Variants in ATRN observed in about 807,000 individuals in gnomAD.
ATRN encodes attractin.
Under a neutral mutation model 178.7 loss-of-function variants are expected in ATRN, and 54 were observed. That is an observed-to-expected ratio of 0.30 (90% confidence interval 0.24 to 0.38). The LOEUF (loss-of-function observed/expected upper bound fraction) is 0.38. Among genes scored for constraint, ATRN ranks in the 10% least tolerant of loss-of-function variants. The pLI is 1.00. For missense variants in ATRN, 1,443 were observed against 1,815.1 expected (o/e 0.79, Z 3.73); for synonymous variants, 636 against 663.0 (o/e 0.96, Z 0.63).
chr20:3,539,974 G>C (rs570722049), intron 2 of ATRN, among the ~76,000 whole-genome samples: 1 of 152,306 alleles, frequency 6.6e-6, no homozygotes, highest in East Asian at 1.9e-4. Context: ...AGCTGTTAAA[G>C]AGTGGCCACT....
intron 1 of ATRN, among the ~76,000 whole-genome samples, chr20:3,502,366 T>A (rs2146110386): frequency 6.6e-6 from 1 of 152,166 alleles, no homozygotes; most frequent in South Asian, 2.1e-4. Flanking sequence ...AAAGGAGAAT[T>A]CTTGAAGTTT....
At chr20:3,517,346 G>A (rs937628786) in intron 1 of ATRN, among the ~76,000 whole-genome samples, 39 of 151,818 alleles carry the variant, frequency 2.6e-4, no homozygotes, top group Non-Finnish European at 4.1e-4. Flanking sequence ...AAACTACTAA[G>A]CCATACACCA....
intron 25 of ATRN, among the ~76,000 whole-genome samples, chr20:3,625,340 C>G (rs942974540): frequency 2.0e-5 from 3 of 152,162 alleles, no homozygotes; most frequent in Admixed American, 2.0e-4. Flanking sequence ...ACCATTGTAT[C>G]ATAATGCATG....
At chr20:3,548,965 C>CATTAGAAAA (rs2085747465) in intron 5 of ATRN, among the ~76,000 whole-genome samples, 1 of 152,128 alleles carries the variant, frequency 6.6e-6, no homozygotes, top group Admixed American at 6.5e-5. Flanking sequence ...TGGATATAGT[C>CATTAGAAAA]AAGTCATCAT....
intron 1 of ATRN, among the ~76,000 whole-genome samples, chr20:3,499,633 G>C (rs1395821030): frequency 6.8e-6 from 1 of 148,072 alleles, no homozygotes; most frequent in Non-Finnish European, 1.5e-5. Context: ...CTAGCCATAT[G>C]TAGAAAGCTG....
In ATRN at chr20:3,646,822, C is replaced by G; in HGVS notation, c.4265C>G (p.Pro1422Arg). 1 of 1,613,042 alleles carries G rather than the reference C, an allele frequency of 6.2e-7. No individual in the cohort carries two copies. Among genetic ancestry groups the G allele is most frequent in the Non-Finnish European group, 8.5e-7 (1 of 1,179,678 alleles). Residue 1422 changes from proline (P) to arginine (R), a missense_variant, in exon 29 of 29, where the codon CCT becomes CGT. Coordinates refer to ENST00000262919, the MANE Select transcript of ATRN (RefSeq NM_139321.3). ...GTGAGAAACCGGAAGCAGCAGCCCC[C>G]TGCACAGCCTGGGACCTGCATCTGA... ...GAVRNRKQQP[P>R]AQPGTCI is the part of the protein sequence containing the mutation.
chr20:3,563,312 A>T lies in ATRN; in HGVS notation c.1735A>T (p.Met579Leu), dbSNP rs777838066. The change falls in exon 10 of 29, where the codon ATG (methionine) becomes TTG (leucine). Residue 579 changes from methionine (M) to leucine (L), a missense_variant. Met to Leu is a conservative substitution (Grantham distance 15). Transcript: ENST00000262919. Reference protein sequence around the residue: ...FGGNTHNDTSMSHGAKCFSSD... With the variant: ...FGGNTHNDTSLSHGAKCFSSD... ...AGGAAACACACACAATGACACATCT[A>T]TGAGCCATGGCGCCAAATGCTTCTC... 9.3e-6 allele frequency: 15 copies of T among 1,614,168 alleles called. No homozygotes were observed. Among genetic ancestry groups the T allele is most frequent in the Non-Finnish European group, 1.2e-5 (14 of 1,180,006 alleles).
chr20:3,544,349 C>A (rs190885407), intron 3 of ATRN, among the ~76,000 whole-genome samples: 1 of 152,194 alleles, frequency 6.6e-6, no homozygotes, highest in East Asian at 1.9e-4. Context: ...TGCTGTGGTT[C>A]GCATTCTTGT....
chr20:3,531,811 A>G (rs76354602), intron 1 of ATRN, among the ~76,000 whole-genome samples: 12,306 of 152,222 alleles, frequency 0.081, 567 homozygotes, highest in African/African-American at 0.11. Context: ...AACAACAACA[A>G]CAACAACAAC....
Position 3,605,809 on chromosome 20 carries a change from C to T in ATRN, c.3801+1547C>T, listed in dbSNP as rs1453567463. On this transcript the variant is annotated intron_variant, in intron 24 of 28. Coordinates refer to ENST00000262919, the MANE Select transcript of ATRN (RefSeq NM_139321.3). ...TAGCTAGTGGATGCTGGGCTTAATA[C>T]CTAGGTGATGAGATGATGTGTGTAG... is the stretch of plus-strand genomic sequence containing the variant. 2.0e-5 allele frequency among the ~76,000 whole-genome samples: 3 copies of T among 152,150 alleles called. No homozygotes were observed. In the East Asian group the frequency reaches 5.8e-4, roughly 29 times the overall value.
chr20:3,551,084 G>A (rs1376488875), intron 6 of ATRN, among the ~76,000 whole-genome samples: 1 of 152,222 alleles, frequency 6.6e-6, no homozygotes, highest in African/African-American at 2.4e-5. Context: ...CTGATGCTGT[G>A]CAATTTGGCT....
At chr20:3,523,129 G>C (rs2085318472) in intron 1 of ATRN, among the ~76,000 whole-genome samples, 1 of 151,754 alleles carries the variant, frequency 6.6e-6, no homozygotes, top group African/African-American at 2.4e-5. Flanking sequence ...AGCTAAAGAA[G>C]CATGTTCTAA....
chr20:3,500,858 T>A (rs969620816), intron 1 of ATRN, among the ~76,000 whole-genome samples: 6 of 151,828 alleles, frequency 4.0e-5, no homozygotes, highest in East Asian at 3.9e-4. Context: ...TTTAAAAAAA[T>A]TTAAAAAAAT....
At chr20:3,534,926 G>C (rs73579653) in intron 1 of ATRN, among the ~76,000 whole-genome samples, 3,047 of 152,268 alleles carry the variant, frequency 0.02, 90 homozygotes, top group African/African-American at 0.067. Context: ...GGGCAACATA[G>C]CGAGACCTGT....
At chr20:3,509,284 G>A (rs966713219) in intron 1 of ATRN, among the ~76,000 whole-genome samples, 9 of 152,018 alleles carry the variant, frequency 5.9e-5, no homozygotes, top group Non-Finnish European at 1.2e-4. Context: ...AAAGGATAGA[G>A]AAAAAGGTAT....
At chr20:3,642,604 T>A (rs1329080247) in intron 27 of ATRN, among the ~76,000 whole-genome samples, 1 of 148,666 alleles carries the variant, frequency 6.7e-6, no homozygotes, top group Non-Finnish European at 1.5e-5. Context: ...TTCTTGCAGT[T>A]ACTTCATAAC....
At chr20:3,554,603 G>C (rs530465346) in intron 6 of ATRN, among the ~76,000 whole-genome samples, 1 of 152,002 alleles carries the variant, frequency 6.6e-6, no homozygotes, top group East Asian at 1.9e-4. Context: ...CAAAGTGCTG[G>C]GATTACAGTC....
At chr20:3,609,855 A>G (rs1403351416) in intron 24 of ATRN, among the ~76,000 whole-genome samples, 1 of 152,200 alleles carries the variant, frequency 6.6e-6, no homozygotes, top group African/African-American at 2.4e-5. Flanking sequence ...GCTAGTTGCA[A>G]GAGGACAAAT....
At chr20:3,561,096 G>T (rs1399348635) in intron 8 of ATRN, among the ~76,000 whole-genome samples, 191 bp downstream of exon 8, 2 of 152,106 alleles carry the variant, frequency 1.3e-5, no homozygotes, top group Admixed American at 1.3e-4. Context: ...TGAGGCGGGC[G>T]GATCACCTAA....
Sources: gnomAD v4.1 joint callset for allele counts (sites outside exome capture counted in the v4.1 genomes callset) on GRCh38, gnomAD v4.1.1 for gene constraint, MANE v1.5 for transcripts, NCBI Gene and HGNC (gene_info 2026-07-23, HGNC 2026-07-21) for gene names.